The following CCSER1 variants were observed in gnomAD, a reference collection of about 807,000 sequenced individuals.
CCSER1 encodes serine-rich coiled-coil domain-containing protein 1.
A neutral mutation model predicts 82.0 loss-of-function variants in CCSER1; 41 were observed. The ratio of observed to expected loss-of-function variants is 0.50; its 90% CI spans 0.39 to 0.65. The LOEUF is 0.65. Ranked by LOEUF, CCSER1 falls within the 30% of genes least tolerant of loss-of-function variation. The pLI, the probability that CCSER1 is intolerant of heterozygous loss-of-function variation, is 0.00. For synonymous variants in CCSER1, 414 were observed against 383.9 expected, an observed-to-expected ratio of 1.08 and a Z score of -0.92; for missense variants, 1,119 against 1,064.2, an observed-to-expected ratio of 1.05 and a Z score of -0.72.
chr4:90,198,474 ACAG>A (rs1431628499), intron 1 of CCSER1, among the ~76,000 whole-genome samples: 1 of 152,180 alleles, frequency 6.6e-6, no homozygotes, highest in African/African-American at 2.4e-5. Context: ...CTATGTAAGA[ACAG>A]GAATAGAAAC....
At chr4:91,046,197 A>AT (rs1325280741) in intron 9 of CCSER1, among the ~76,000 whole-genome samples, 1 of 151,648 alleles carries the variant, frequency 6.6e-6, no homozygotes, top group East Asian at 2.0e-4. Flanking sequence ...TCTAGCTAAA[A>AT]TTTTTTCAAT....
At chr4:90,640,664 T>A (rs549793983) in intron 6 of CCSER1, among the ~76,000 whole-genome samples, 3 of 152,212 alleles carry the variant, frequency 2.0e-5, no homozygotes, top group African/African-American at 7.2e-5. Context: ...GGTAATTGAA[T>A]CATGGGGATG....
At chr4:90,976,265 G>A (rs1735605222) in intron 9 of CCSER1, among the ~76,000 whole-genome samples, 1 of 151,240 alleles carries the variant, frequency 6.6e-6, no homozygotes, top group Non-Finnish European at 1.5e-5. Context: ...AAAAGGGAAT[G>A]ATTGTATAAT....
chr4:90,586,672 G>A (rs1162613095), intron 5 of CCSER1, among the ~76,000 whole-genome samples: 1 of 152,086 alleles, frequency 6.6e-6, no homozygotes, highest in Non-Finnish European at 1.5e-5. Flanking sequence ...ATCTATACTG[G>A]ACAACATTTC....
At chr4:91,304,368 C>T (rs1167444038) in intron 10 of CCSER1, among the ~76,000 whole-genome samples, 1 of 151,940 alleles carries the variant, frequency 6.6e-6, no homozygotes, top group Non-Finnish European at 1.5e-5. Flanking sequence ...AAGGCAATTG[C>T]CTTAAATTTT....
chr4:90,781,387 T>C (rs1447587711), intron 7 of CCSER1: 13 of 985,254 alleles, frequency 1.3e-5, no homozygotes, highest in Non-Finnish European at 1.6e-5. Context: ...ACTGGGGCTT[T>C]GAGCCCCTGT....
intron 1 of CCSER1, among the ~76,000 whole-genome samples, chr4:90,197,142 A>G (rs1309719493): frequency 1.3e-5 from 2 of 152,090 alleles, no homozygotes; most frequent in Non-Finnish European, 2.9e-5. Context: ...AACTCAGAAC[A>G]CTATGCTTAC....
chr4:91,560,542 T>C (rs1762606426), intron 10 of CCSER1, among the ~76,000 whole-genome samples: 2 of 151,494 alleles, frequency 1.3e-5, no homozygotes, highest in Non-Finnish European at 3.0e-5. Flanking sequence ...TAACTATATA[T>C]TTTAAAAATT....
chr4:91,439,770 T>C (rs1191753790), intron 10 of CCSER1, among the ~76,000 whole-genome samples: 1 of 151,732 alleles, frequency 6.6e-6, no homozygotes, highest in Non-Finnish European at 1.5e-5. Flanking sequence ...TGGAGGAAGA[T>C]CTACCAAGCA....
intron 3 of CCSER1, among the ~76,000 whole-genome samples, chr4:90,373,723 T>A (rs1196176421): frequency 6.6e-6 from 1 of 152,202 alleles, no homozygotes. Flanking sequence ...CATTTTTTCA[T>A]GTGTTGTGAG....
intron 9 of CCSER1, among the ~76,000 whole-genome samples, chr4:90,967,836 C>G (rs747699545): frequency 2.0e-5 from 3 of 151,986 alleles, no homozygotes; most frequent in Non-Finnish European, 4.4e-5. Context: ...TTATGAGAAC[C>G]TGGGAGTCCA....
intron 10 of CCSER1, among the ~76,000 whole-genome samples, chr4:91,203,655 A>T (rs1008221740): frequency 1.3e-5 from 2 of 152,028 alleles, no homozygotes; most frequent in Non-Finnish European, 2.9e-5. Context: ...ATGTTAAAAA[A>T]AAACAGGGTA....
At chr4:90,467,124 A>G (rs891811999) in intron 4 of CCSER1, among the ~76,000 whole-genome samples, 3 of 152,182 alleles carry the variant, frequency 2.0e-5, no homozygotes, top group Non-Finnish European at 2.9e-5. Context: ...GCAGTGGCTC[A>G]TGTCTGTAAT....
chr4:91,303,038 T>C (rs1744792874), intron 10 of CCSER1, among the ~76,000 whole-genome samples: 1 of 152,006 alleles, frequency 6.6e-6, no homozygotes, highest in South Asian at 2.1e-4. Context: ...TAATGACCAC[T>C]TGAATAAATA....
chr4:90,218,734 G>A (rs569604308), intron 1 of CCSER1, among the ~76,000 whole-genome samples: 22 of 152,192 alleles, frequency 1.4e-4, no homozygotes, highest in Admixed American at 1.4e-3. Flanking sequence ...ACTTGAAAAA[G>A]ATTAGGCCAG....
At chr4:90,164,515 G>A (rs891215950) in intron 1 of CCSER1, among the ~76,000 whole-genome samples, 3 of 152,046 alleles carry the variant, frequency 2.0e-5, no homozygotes, top group Non-Finnish European at 4.4e-5. Flanking sequence ...GTATGCTGAA[G>A]TAGCACAGAT....
rs574708438 is a variant in CCSER1 at position 90,595,396 on chromosome 4, C to G, written c.1725-32629C>G. On this transcript the variant is annotated intron_variant, in intron 5 of 10. Coordinates refer to ENST00000509176, the MANE Select transcript of CCSER1 (RefSeq NM_001145065.2). ...TTTATATGTTAATAGTTAAATCACT[C>G]AGGCAAAATTGAACATATTTATAAA... is the stretch of plus-strand genomic sequence containing the variant. Among the ~76,000 whole-genome samples the G allele has an allele frequency of 2.8e-4, 43 of 152,036 alleles. 1 individual carries two copies. In the East Asian group the frequency reaches 7.7e-3, roughly 27 times the overall value.
At chr4:90,208,585 C>T (rs899472920) in intron 1 of CCSER1, among the ~76,000 whole-genome samples, 13 of 152,054 alleles carry the variant, frequency 8.5e-5, no homozygotes, top group African/African-American at 3.1e-4. Flanking sequence ...TCAATGTCTG[C>T]CCAAACGGCC....
intron 10 of CCSER1, among the ~76,000 whole-genome samples, chr4:91,167,006 TGTATG>T (rs1181093371): frequency 6.6e-6 from 1 of 152,118 alleles, no homozygotes; most frequent in Non-Finnish European, 1.5e-5. Context: ...TAAGAATACT[TGTATG>T]GTATGTTAAG....
Sources: allele counts gnomAD v4.1 joint callset (sites outside exome capture counted in the v4.1 genomes callset), GRCh38; gene constraint gnomAD v4.1.1; transcripts MANE v1.5; gene names NCBI Gene and HGNC (gene_info 2026-07-23, HGNC 2026-07-21).